The following CDC42 variants were observed in gnomAD, a reference collection of about 807,000 sequenced individuals.
The protein encoded by CDC42 is cell division control protein 42 homolog.
CDC42 carries 1 observed loss-of-function variant against 20.8 expected under a neutral mutation model. The ratio of observed to expected loss-of-function variants is 0.05; its 90% confidence interval spans 0.02 to 0.23. The LOEUF is 0.23. CDC42 is among the 10% of genes least tolerant of loss of function. CDC42 has a pLI of 1.00. For synonymous variants in CDC42, 72 were observed against 84.8 expected (o/e 0.85, Z 0.83); for missense variants, 49 against 227.9 (o/e 0.21, Z 5.05).
At chr1:22,084,766 T>C (rs17435550) in intron 3 of CDC42, among the ~76,000 whole-genome samples, 144 of 152,288 alleles carry the variant, frequency 9.5e-4, no homozygotes, top group Middle Eastern at 3.4e-3. Context: ...TCTGGGAGTT[T>C]TAAAGTTTTA....
intron 3 of CDC42, among the ~76,000 whole-genome samples, chr1:22,083,909 C>T (rs146436471): frequency 6.6e-6 from 1 of 152,122 alleles, no homozygotes. Context: ...AATATGTAGT[C>T]TTTTGTGTGA....
At position 22,091,801 on chromosome 1, in the gene CDC42, T is replaced by TTTG; in HGVS notation, c.*286_*287insGTT. 1 of 209,688 alleles carries TTTG rather than the reference T, an allele frequency of 4.8e-6. No individual in the cohort carries two copies. Among genetic ancestry groups the TTTG allele is most frequent in the Non-Finnish European group, 9.2e-6 (1 of 108,512 alleles). The allele number at this position is 209,688 out of a possible 1,614,324, so 13.0% of individuals were successfully genotyped here. A position where few individuals can be genotyped will look rare whatever the true frequency, so the allele number is the denominator to read the frequency against. On this transcript the variant is annotated 3_prime_UTR_variant, in exon 6 of 6. Transcript: ENST00000656825. ...AATTTTTGTGTGTGTGTGTTTTTTT[T>TTTG]TTTTTTTTTTTTGTTGTTTAAAAGC...
At chr1:22,064,827 C>T (rs1645403956) in intron 1 of CDC42, among the ~76,000 whole-genome samples, 1 of 152,118 alleles carries the variant, frequency 6.6e-6, no homozygotes, top group Non-Finnish European at 1.5e-5. Flanking sequence ...AAGGCACTTG[C>T]CACCACGCTT....
chr1:22,069,423 G>A (rs1263237463), intron 1 of CDC42, among the ~76,000 whole-genome samples: 1 of 151,774 alleles, frequency 6.6e-6, no homozygotes, highest in African/African-American at 2.4e-5. Flanking sequence ...TGATCTGCCC[G>A]CCTCAGCTTC....
chr1:22,081,992 T>C (rs1282645647), intron 3 of CDC42, among the ~76,000 whole-genome samples, 198 bp downstream of exon 3: 2 of 151,168 alleles, frequency 1.3e-5, no homozygotes, highest in African/African-American at 2.4e-5. Context: ...GAGTTTGGAG[T>C]ACCCTGGGTG....
chr1:22,086,216 G>C (rs1482261864), intron 3 of CDC42, among the ~76,000 whole-genome samples: 1 of 152,110 alleles, frequency 6.6e-6, no homozygotes, highest in East Asian at 1.9e-4. Context: ...CCACAAACTG[G>C]TAATAAAAGC....
chr1:22,079,015 T>C, intron 2 of CDC42: 1 of 383,480 alleles, frequency 2.6e-6, no homozygotes, highest in Non-Finnish European at 4.3e-6. Flanking sequence ...GTGGAGCTGT[T>C]CGCTTAGCAG....
At chr1:22,055,473 T>G (rs1645294501) in intron 1 of CDC42, among the ~76,000 whole-genome samples, 1 of 146,338 alleles carries the variant, frequency 6.8e-6, no homozygotes, top group Non-Finnish European at 1.5e-5. Flanking sequence ...TATAGGGAGT[T>G]AAAAAAAAAA....
chr1:22,058,050 A>G lies in CDC42; in HGVS notation c.-51+5308A>G, dbSNP rs905702239. On this transcript the variant is annotated intron_variant, in intron 1 of 5. Coordinates refer to ENST00000656825, the MANE Select transcript of CDC42 (RefSeq NM_001791.4). ...GGCCTCCTTTACATTTTTATCCGTT[A>G]CCTTTACCGTTGTCATAGAAGCAAG... 1.2e-4 allele frequency among the ~76,000 whole-genome samples: 18 copies of G among 152,022 alleles called. 1 individual carries two copies. Among genetic ancestry groups the G allele is most frequent in the African/African-American group, 4.3e-4 (18 of 41,382 alleles).
At chr1:22,061,987 G>A (rs937562911) in intron 1 of CDC42, among the ~76,000 whole-genome samples, 2 of 151,904 alleles carry the variant, frequency 1.3e-5, no homozygotes, top group African/African-American at 2.4e-5. Context: ...CACCCAGGCT[G>A]GAGTGCAGTG....
chr1:22,071,252 G>A (rs1645489019), intron 1 of CDC42, among the ~76,000 whole-genome samples: 1 of 151,776 alleles, frequency 6.6e-6, no homozygotes, highest in Non-Finnish European at 1.5e-5. Flanking sequence ...CACCATGTTA[G>A]CCAGGATGGT....
chr1:22,085,937 C>G (rs1473419625), intron 3 of CDC42, among the ~76,000 whole-genome samples: 1 of 152,196 alleles, frequency 6.6e-6, no homozygotes, highest in Non-Finnish European at 1.5e-5. Context: ...CCTCCGCCTT[C>G]TGGGTTCACG....
chr1:22,090,288 A>G (rs1645702919), intron 5 of CDC42: 1 of 1,156,034 alleles, frequency 8.7e-7, no homozygotes, highest in Non-Finnish European at 1.1e-6. Context: ...TTTGGTTTGG[A>G]TTACTATTGC....
rs922926230 is a variant in CDC42, at chr1:22,097,053, T to A, written c.*5536T>A. On this transcript the variant is annotated 3_prime_UTR_variant, in exon 6 of 6. Transcript: ENST00000656825. ...AATTTGTAATCCTTTTTAGTTCATA[T>A]GTCACAATCACAGAATTGAGACTAG... 2.6e-5 allele frequency among the ~76,000 whole-genome samples: 4 copies of A among 152,250 alleles called. No homozygotes were observed. The highest frequency in any genetic ancestry group is 9.6e-5 in the African/African-American group (4 of 41,470).
chr1:22,091,306 A>C, intron 5 of CDC42, 122 bp from the exon 6 acceptor site: 2 of 631,394 alleles, frequency 3.2e-6, no homozygotes, highest in Non-Finnish European at 5.7e-6. Flanking sequence ...GTTGAGATTC[A>C]GGGTTGTTTT....
intron 1 of CDC42, among the ~76,000 whole-genome samples, chr1:22,064,599 G>A (rs1036419573): frequency 1.3e-5 from 2 of 152,028 alleles, no homozygotes; most frequent in Non-Finnish European, 2.9e-5. Context: ...CCTTGTGAGT[G>A]CTCTTATTTT....
At chr1:22,075,096 G>C (rs1373587900) in intron 1 of CDC42, among the ~76,000 whole-genome samples, 1 of 152,176 alleles carries the variant, frequency 6.6e-6, no homozygotes, top group Non-Finnish European at 1.5e-5. Flanking sequence ...CAGAAGGTCA[G>C]ATAACAACTA....
rs939371197 is a variant in CDC42, at chr1:22,052,757, C to A, written c.-51+15C>A. On this transcript the variant is annotated intron_variant, in intron 1 of 5. Coordinates refer to ENST00000656825, the MANE Select transcript of CDC42 (RefSeq NM_001791.4). ...GAGAAGCTGAGGTGAGTGCGGGGCC[C>A]GAGGTTCCCCGCGGGAGCTGCCACC... The A allele has an allele frequency of 1.3e-5, 2 of 152,828 alleles. No individual in the cohort carries two copies. Among genetic ancestry groups the A allele is most frequent in the African/African-American group, 4.8e-5 (2 of 41,480 alleles). The allele number at this position is 152,828 out of a possible 1,614,324, so 9.5% of individuals were successfully genotyped here. A position where few individuals can be genotyped will look rare whatever the true frequency, so the allele number is the denominator to read the frequency against.
intron 1 of CDC42, among the ~76,000 whole-genome samples, chr1:22,074,929 G>T (rs1362243972): frequency 1.3e-5 from 2 of 152,182 alleles, no homozygotes; most frequent in Non-Finnish European, 2.9e-5. Context: ...ACAGGGAGAA[G>T]ACAGAACAAT....
Sources: gnomAD v4.1 joint callset for allele counts (sites outside exome capture counted in the v4.1 genomes callset) on GRCh38, gnomAD v4.1.1 for gene constraint, MANE v1.5 for transcripts, NCBI Gene and HGNC (gene_info 2026-07-23, HGNC 2026-07-21) for gene names.